PID1: variants seen among roughly 807,000 people sequenced by gnomAD.
PID1 encodes the protein phosphotyrosine interaction domain containing 1, also known as PTB-containing, cubilin and LRP1-interacting protein.
A neutral mutation model predicts 19.1 loss-of-function variants in PID1; 10 were observed. That is an observed-to-expected ratio of 0.52 (90% confidence interval 0.32 to 0.89). PID1 has a LOEUF of 0.89. Ranked by LOEUF, PID1 falls within the 40% of genes least tolerant of loss-of-function variation. The pLI, the probability that PID1 is intolerant of heterozygous loss-of-function variation, is 0.03. For missense variants in PID1, 248 were observed against 285.3 expected, an observed-to-expected ratio of 0.87 and a Z score of 0.94; for synonymous variants, 130 against 116.0, an observed-to-expected ratio of 1.12 and a Z score of -0.78.
At chr2:229,154,695 A>G (rs751848622) in intron 2 of PID1, among the ~76,000 whole-genome samples, 2 of 152,236 alleles carry the variant, frequency 1.3e-5, no homozygotes, top group African/African-American at 4.8e-5. Context: ...GAAAAGGAGT[A>G]TATCTCGAAA....
At chr2:229,036,912 G>C (rs1693676320) in intron 2 of PID1, among the ~76,000 whole-genome samples, 1 of 152,332 alleles carries the variant, frequency 6.6e-6, no homozygotes, top group Admixed American at 6.5e-5. Flanking sequence ...CCACGAAGTA[G>C]AGGGTAAGCT....
intron 2 of PID1, among the ~76,000 whole-genome samples, chr2:229,026,817 C>A (rs1480534833): frequency 1.3e-5 from 2 of 152,142 alleles, no homozygotes; most frequent in African/African-American, 2.4e-5. Flanking sequence ...TATCACCTAG[C>A]TAGGTAGGCA....
At chr2:229,192,693 T>C (rs1255502844) in intron 1 of PID1, among the ~76,000 whole-genome samples, 2 of 152,224 alleles carry the variant, frequency 1.3e-5, no homozygotes, top group Middle Eastern at 3.2e-3. Flanking sequence ...GTGATACCTA[T>C]AATTTACAAG....
chr2:229,218,251 T>G (rs2106255901), intron 1 of PID1, among the ~76,000 whole-genome samples: 1 of 151,052 alleles, frequency 6.6e-6, no homozygotes, highest in Admixed American at 6.6e-5. Flanking sequence ...TCATGAATTT[T>G]TTATCACTTG....
At chr2:229,179,001 G>T (rs17482899) in intron 1 of PID1, among the ~76,000 whole-genome samples, 52,261 of 151,956 alleles carry the variant, frequency 0.34, 9,909 homozygotes, top group South Asian at 0.48. Flanking sequence ...TCAGTCCAAA[G>T]AAATTGCATG....
chr2:229,168,747 A>G (rs933138767), intron 1 of PID1, among the ~76,000 whole-genome samples: 2 of 152,072 alleles, frequency 1.3e-5, no homozygotes, highest in African/African-American at 2.4e-5. Context: ...TGCGTCTCAT[A>G]TATTTTGGTT....
At chr2:229,178,854 C>T (rs977431633) in intron 1 of PID1, among the ~76,000 whole-genome samples, 6 of 152,048 alleles carry the variant, frequency 3.9e-5, no homozygotes, top group Admixed American at 3.3e-4. Context: ...GAAGTGGGAC[C>T]GTCCCTATGC....
At chr2:229,222,146 C>A (rs1691983613) in intron 1 of PID1, among the ~76,000 whole-genome samples, 1 of 152,148 alleles carries the variant, frequency 6.6e-6, no homozygotes, top group Non-Finnish European at 1.5e-5. Context: ...TTTAGGATGG[C>A]ATCAAACAAT....
At chr2:229,176,405 T>C (rs1008667779) in intron 1 of PID1, among the ~76,000 whole-genome samples, 1 of 152,234 alleles carries the variant, frequency 6.6e-6, no homozygotes, top group African/African-American at 2.4e-5. Context: ...TCAGCACGCA[T>C]TCCCCATATA....
chr2:229,192,776 A>C (rs546416952), intron 1 of PID1, among the ~76,000 whole-genome samples: 82 of 152,254 alleles, frequency 5.4e-4, no homozygotes, highest in African/African-American at 1.9e-3. Flanking sequence ...GCGTTCAATA[A>C]ATGTTTAGTT....
At chr2:229,189,359 A>C (rs1691207607) in intron 1 of PID1, among the ~76,000 whole-genome samples, 1 of 152,180 alleles carries the variant, frequency 6.6e-6, no homozygotes, top group African/African-American at 2.4e-5. Flanking sequence ...TGGCTGTGTC[A>C]AGCATGGTGC....
chr2:229,213,546 C>T (rs148701623), intron 1 of PID1, among the ~76,000 whole-genome samples: 69 of 152,302 alleles, frequency 4.5e-4, no homozygotes, highest in African/African-American at 1.6e-3. Flanking sequence ...CTCTAGGGTT[C>T]CTTGCAAGAA....
chr2:229,044,171 G>A (rs889047228), intron 2 of PID1, among the ~76,000 whole-genome samples: 1 of 151,768 alleles, frequency 6.6e-6, no homozygotes, highest in Non-Finnish European at 1.5e-5. Flanking sequence ...TGACTTTTTC[G>A]ACTGTGCTTT....
intron 1 of PID1, among the ~76,000 whole-genome samples, chr2:229,229,510 G>T (rs1692158024): frequency 1.3e-5 from 2 of 152,160 alleles, no homozygotes; most frequent in Admixed American, 6.5e-5. Context: ...GGTGGTGCAT[G>T]CCTGTAGTTC....
intron 1 of PID1, among the ~76,000 whole-genome samples, chr2:229,254,040 A>G (rs1415928451): frequency 6.6e-6 from 1 of 152,192 alleles, no homozygotes; most frequent in Non-Finnish European, 1.5e-5. Flanking sequence ...AGCTATGACT[A>G]CTTTGTCTTT....
intron 2 of PID1, among the ~76,000 whole-genome samples, chr2:229,141,809 A>C (rs1690017791): frequency 6.6e-6 from 1 of 152,102 alleles, no homozygotes; most frequent in South Asian, 2.1e-4. Flanking sequence ...AATCTGACTA[A>C]TGTCTCATTT....
chr2:229,203,970 G>C lies in PID1; in HGVS notation c.31-48006C>G, dbSNP rs183449901. ...ATGTTTAGACCATTAGACCTATTTA[G>C]ACCTATTAGACCCATAGGTCTAATG... is the stretch of plus-strand genomic sequence containing the variant. On this transcript the variant is annotated intron_variant, in intron 1 of 2. Coordinates refer to ENST00000392055, the MANE Select transcript of PID1 (RefSeq NM_001100818.2). Among the ~76,000 whole-genome samples, 341 of 152,074 alleles carry C rather than the reference G, an allele frequency of 2.2e-3. 4 individuals carry two copies. In the Middle Eastern group the frequency reaches 0.027, roughly 12 times the overall value.
At chr2:229,243,257 A>G (rs1231507013) in intron 1 of PID1, among the ~76,000 whole-genome samples, 2 of 152,112 alleles carry the variant, frequency 1.3e-5, no homozygotes, top group Non-Finnish European at 2.9e-5. Context: ...ACTCACTCCC[A>G]TGATTCAATT....
At chr2:229,043,503 C>G (rs545026444) in intron 2 of PID1, among the ~76,000 whole-genome samples, 1 of 152,120 alleles carries the variant, frequency 6.6e-6, no homozygotes, top group Admixed American at 6.5e-5. Flanking sequence ...GAATAAAGAG[C>G]GAAGCGGACT....
Sources: gnomAD v4.1 joint callset for allele counts (sites outside exome capture counted in the v4.1 genomes callset) on GRCh38, gnomAD v4.1.1 for gene constraint, MANE v1.5 for transcripts, NCBI Gene and HGNC (gene_info 2026-07-23, HGNC 2026-07-21) for gene names.